The following CDKAL1 variants were observed in gnomAD, a reference collection of about 807,000 sequenced individuals.
The protein encoded by CDKAL1 is CDKAL1 threonylcarbamoyladenosine tRNA methylthiotransferase.
In CDKAL1, 32 loss-of-function variants were observed where a neutral mutation model predicts 68.2. The ratio of observed to expected loss-of-function variants is 0.47; its 90% CI spans 0.35 to 0.63. The LOEUF (loss-of-function observed/expected upper bound fraction) is 0.63. Among genes scored for constraint, CDKAL1 ranks in the 30% least tolerant of loss-of-function variants. The pLI is 0.00. For synonymous variants in CDKAL1, 234 were observed against 244.3 expected, an observed-to-expected ratio of 0.96 and a Z score of 0.39; for missense variants, 606 against 696.7, an observed-to-expected ratio of 0.87 and a Z score of 1.47.
chr6:20,763,443 G>GT, intron 7 of CDKAL1, among the ~76,000 whole-genome samples: 1 of 152,242 alleles, frequency 6.6e-6, no homozygotes, highest in Middle Eastern at 3.4e-3. Flanking sequence ...AATCTTCTTA[G>GT]TTATGCAGTG....
chr6:20,665,166 G>GT (rs2127774442), intron 5 of CDKAL1, among the ~76,000 whole-genome samples: 1 of 152,130 alleles, frequency 6.6e-6, no homozygotes, highest in Admixed American at 6.5e-5. Context: ...TAGACCTGGG[G>GT]CAGTGTCTTG....
chr6:20,725,274 C>A (rs1772589850), intron 5 of CDKAL1, among the ~76,000 whole-genome samples: 1 of 152,134 alleles, frequency 6.6e-6, no homozygotes, highest in Non-Finnish European at 1.5e-5. Flanking sequence ...AGAGGCTATT[C>A]TTCATAATAG....
intron 10 of CDKAL1, among the ~76,000 whole-genome samples, chr6:20,975,688 G>GA (rs1236061375): frequency 1.3e-5 from 2 of 152,094 alleles, no homozygotes; most frequent in Non-Finnish European, 1.5e-5. Flanking sequence ...TTATACATTT[G>GA]AAAAAAATGG....
intron 10 of CDKAL1, among the ~76,000 whole-genome samples, chr6:20,961,399 TG>T (rs1163173674): frequency 6.6e-6 from 1 of 152,010 alleles, no homozygotes; most frequent in Non-Finnish European, 1.5e-5. Flanking sequence ...TGAGAACATG[TG>T]GACAGATAGA....
chr6:20,542,444 G>A (rs1244144306), intron 2 of CDKAL1, among the ~76,000 whole-genome samples: 1 of 152,168 alleles, frequency 6.6e-6, no homozygotes, highest in Non-Finnish European at 1.5e-5. Flanking sequence ...TCTTTAAAGC[G>A]AGGATAGTAA....
At chr6:20,758,059 C>T (rs1424702000) in intron 6 of CDKAL1, among the ~76,000 whole-genome samples, 1 of 150,082 alleles carries the variant, frequency 6.7e-6, no homozygotes, top group East Asian at 2.0e-4. Flanking sequence ...TCCTTAGTCT[C>T]TGGTGTATAG....
chr6:20,778,077 A>G (rs1436513196), intron 7 of CDKAL1, among the ~76,000 whole-genome samples: 9 of 152,184 alleles, frequency 5.9e-5, no homozygotes. Context: ...TAGCATCAGG[A>G]CAGTTGAATA....
intron 11 of CDKAL1, among the ~76,000 whole-genome samples, chr6:21,043,396 A>G (rs929749582): frequency 4.6e-5 from 7 of 152,012 alleles, no homozygotes; most frequent in African/African-American, 1.7e-4. Flanking sequence ...GGGGATCTAC[A>G]TGAACATTTA....
intron 11 of CDKAL1, among the ~76,000 whole-genome samples, chr6:21,011,203 C>T (rs961073763): frequency 6.7e-6 from 1 of 150,006 alleles, no homozygotes; most frequent in African/African-American, 2.5e-5. Flanking sequence ...ATGGTGAAAC[C>T]CCATCTCTAC....
chr6:21,166,199 T>G (rs973229723), intron 13 of CDKAL1, among the ~76,000 whole-genome samples: 1 of 152,098 alleles, frequency 6.6e-6, no homozygotes, highest in Non-Finnish European at 1.5e-5. Flanking sequence ...GATACAGATG[T>G]GTGAGAGAGC....
At chr6:20,981,635 T>A (rs1463434485) in intron 10 of CDKAL1, among the ~76,000 whole-genome samples, 2 of 151,526 alleles carry the variant, frequency 1.3e-5, no homozygotes, top group Non-Finnish European at 2.9e-5. Context: ...AGGTCAGGAG[T>A]TTGAGACCAG....
At chr6:20,578,075 G>A (rs1764986359) in intron 4 of CDKAL1, among the ~76,000 whole-genome samples, 1 of 152,244 alleles carries the variant, frequency 6.6e-6, no homozygotes, top group African/African-American at 2.4e-5. Flanking sequence ...TTCTTATGCA[G>A]TTATTGTAAC....
intron 7 of CDKAL1, among the ~76,000 whole-genome samples, chr6:20,772,503 A>G (rs1203260757): frequency 1.3e-5 from 2 of 152,252 alleles, no homozygotes; most frequent in Non-Finnish European, 2.9e-5. Flanking sequence ...ATAAAATTAA[A>G]TACTTACTGT....
chr6:21,182,035 A>G (rs1246330335), intron 13 of CDKAL1, among the ~76,000 whole-genome samples: 1 of 152,214 alleles, frequency 6.6e-6, no homozygotes, highest in African/African-American at 2.4e-5. Context: ...CCTAAGACCT[A>G]TATCTAACTT....
intron 15 of CDKAL1, among the ~76,000 whole-genome samples, chr6:21,228,042 C>T (rs182876859): frequency 4.3e-4 from 65 of 152,288 alleles, no homozygotes; most frequent in South Asian, 1.2e-3. Context: ...AGCCTGACAC[C>T]TGGCCTGGCA....
chr6:20,908,821 TC>T (rs1321815730), intron 9 of CDKAL1, among the ~76,000 whole-genome samples: 3 of 152,244 alleles, frequency 2.0e-5, no homozygotes, highest in African/African-American at 7.2e-5. Context: ...ATTTAAATAA[TC>T]TTATTTCTTG....
At chr6:21,147,545 A>G (rs1381407851) in intron 13 of CDKAL1, among the ~76,000 whole-genome samples, 2 of 152,196 alleles carry the variant, frequency 1.3e-5, no homozygotes, top group Admixed American at 1.3e-4. Flanking sequence ...CTTGATAGTG[A>G]TCAAAGCTGA....
At position 20,683,143 on chromosome 6, in the gene CDKAL1, A is replaced by G. The variant is rs1242278548; in HGVS notation, c.371+33766A>G. ...TGCCTGTCTTATATTTTATTGAGTA[A>G]TGTGTTAGGTACTTTTATATACTTT... On this transcript the variant is annotated intron_variant, in intron 5 of 15. Transcript: ENST00000274695. Among the ~76,000 whole-genome samples, 7 of 151,942 alleles carry G rather than the reference A, an allele frequency of 4.6e-5. No homozygotes were observed. In the South Asian group the frequency reaches 1.5e-3, roughly 32 times the overall value.
chr6:20,890,253 T>C (rs1761322340), intron 9 of CDKAL1, among the ~76,000 whole-genome samples: 1 of 152,248 alleles, frequency 6.6e-6, no homozygotes, highest in Non-Finnish European at 1.5e-5. Flanking sequence ...TAATAACTAG[T>C]GCTGTAAGCT....
Sources: allele counts gnomAD v4.1 joint callset (sites outside exome capture counted in the v4.1 genomes callset), GRCh38; gene constraint gnomAD v4.1.1; transcripts MANE v1.5; gene names NCBI Gene and HGNC (gene_info 2026-07-23, HGNC 2026-07-21).